SGSM1: variants seen among roughly 807,000 people sequenced by gnomAD.
The protein encoded by SGSM1 is RUN and TBC1 domain containing 2.
Under a neutral mutation model 133.8 loss-of-function variants are expected in SGSM1, and 73 were observed. The ratio of observed to expected loss-of-function variants is 0.55; its 90% CI spans 0.45 to 0.66. The LOEUF is 0.66. Among genes scored for constraint, SGSM1 ranks in the 30% least tolerant of loss-of-function variants. The probability of loss-of-function intolerance (pLI) is 0.00; values close to 1 mark genes in which losing one functional copy is unlikely to be tolerated. For synonymous variants in SGSM1, 563 were observed against 573.0 expected (o/e 0.98, Z 0.25); for missense variants, 1,213 against 1,448.1 (o/e 0.84, Z 2.64).
intron 12 of SGSM1, among the ~76,000 whole-genome samples, chr22:24,870,741 C>T (rs1002480791): frequency 6.6e-6 from 1 of 152,194 alleles, no homozygotes; most frequent in Non-Finnish European, 1.5e-5. Flanking sequence ...CCAGTGCCTC[C>T]CTGGAGCAGC....
chr22:24,834,382 T>TTTTTGTGAATAAAG (rs1929304925), intron 2 of SGSM1, among the ~76,000 whole-genome samples: 2 of 152,206 alleles, frequency 1.3e-5, no homozygotes, highest in Non-Finnish European at 2.9e-5. Flanking sequence ...CTTCCACTGG[T>TTTTTGTGAATAAAG]TTTTGTGAAT....
intron 2 of SGSM1, among the ~76,000 whole-genome samples, chr22:24,841,311 C>G (rs139659): frequency 0.84 from 128,588 of 152,196 alleles, 54,487 homozygotes; most frequent in Admixed American, 0.87. Context: ...TTGTGAATGA[C>G]AAAGATGCTT....
chr22:24,880,460 T>C (rs1183291080), intron 14 of SGSM1, among the ~76,000 whole-genome samples: 1 of 152,158 alleles, frequency 6.6e-6, no homozygotes, highest in East Asian at 1.9e-4. Context: ...TCAGTTTTAT[T>C]TCCCCAGCCT....
chr22:24,840,842 TTTTTGTTTTG>T (rs1010805914), intron 2 of SGSM1, among the ~76,000 whole-genome samples: 1 of 152,032 alleles, frequency 6.6e-6, no homozygotes, highest in African/African-American at 2.4e-5. Flanking sequence ...CCATGTTGTG[TTTTTGTTTTG>T]TTTTGTTTTG....
At chr22:24,889,654 A>ATT (rs201034986) in intron 16 of SGSM1, among the ~76,000 whole-genome samples, 2,072 of 133,788 alleles carry the variant, frequency 0.015, 43 homozygotes, top group African/African-American at 0.05. Flanking sequence ...CCTTAAATTG[A>ATT]TTTTTTTTTT....
chr22:24,889,781 C>T (rs1335335789), intron 16 of SGSM1, among the ~76,000 whole-genome samples: 2 of 149,914 alleles, frequency 1.3e-5, no homozygotes, highest in Non-Finnish European at 3.0e-5. Context: ...TCCCAAATAG[C>T]TGGGACTACA....
intron 16 of SGSM1, among the ~76,000 whole-genome samples, chr22:24,890,334 C>T (rs1932793945): frequency 6.6e-6 from 1 of 152,130 alleles, no homozygotes; most frequent in African/African-American, 2.4e-5. Context: ...AGTCGAGAAG[C>T]ATTTGTAATT....
At chr22:24,840,014 C>A (rs150054023) in intron 2 of SGSM1, among the ~76,000 whole-genome samples, 133 of 148,018 alleles carry the variant, frequency 9.0e-4, no homozygotes, top group African/African-American at 2.9e-3. Flanking sequence ...GCGATCTCAG[C>A]TCACTGCAAG....
chr22:24,853,769 A>ATTTTTTTTTT (rs57736929), intron 5 of SGSM1, among the ~76,000 whole-genome samples: 130 of 123,406 alleles, frequency 1.1e-3, no homozygotes, highest in East Asian at 1.4e-3. Context: ...CGCCTGGTGA[A>ATTTTTTTTTT]TTTTTTTTTT....
rs761726686 is a variant in SGSM1, at chr22:24,867,080, C to T, written c.927-13C>T. On this transcript the variant is annotated splice_polypyrimidine_tract_variant and intron_variant, in intron 9 of 24. Coordinates refer to ENST00000400358, the MANE Select transcript of SGSM1 (RefSeq NM_001098497.3). ...CAGAAGTCCTGCAAGCCTGACCCTC[C>T]GTCCGCTTCCAGCGTCTACTGGGAC... 50 of 1,612,708 alleles carry T rather than the reference C, an allele frequency of 3.1e-5. No homozygotes were observed. Among genetic ancestry groups the T allele is most frequent in the South Asian group, 8.8e-5 (8 of 90,736 alleles).
At chr22:24,899,554 G>A (rs1166463034) in intron 19 of SGSM1, among the ~76,000 whole-genome samples, 1 of 141,260 alleles carries the variant, frequency 7.1e-6, no homozygotes, top group African/African-American at 2.7e-5. Flanking sequence ...ACAGGGTCTC[G>A]CTCTGTCACC....
At chr22:24,913,422 C>T (rs139765) in intron 22 of SGSM1, among the ~76,000 whole-genome samples, 42,999 of 151,952 alleles carry the variant, frequency 0.28, 7,007 homozygotes, top group East Asian at 0.55. Flanking sequence ...AATTCTGGTG[C>T]AAGCTCGATT....
intron 12 of SGSM1, among the ~76,000 whole-genome samples, chr22:24,873,667 A>G (rs1231759057): frequency 1.3e-5 from 2 of 152,156 alleles, no homozygotes; most frequent in Non-Finnish European, 2.9e-5. Context: ...CCTGGGCAAC[A>G]TGGCAAAACC....
chr22:24,842,613 C>A (rs1163673910), intron 2 of SGSM1, among the ~76,000 whole-genome samples: 1 of 152,064 alleles, frequency 6.6e-6, no homozygotes, highest in African/African-American at 2.4e-5. Context: ...GGGATCAGAG[C>A]CTGGCAGGGA....
chr22:24,890,393 C>G (rs1327434853), intron 16 of SGSM1, among the ~76,000 whole-genome samples: 2 of 151,890 alleles, frequency 1.3e-5, no homozygotes, highest in Non-Finnish European at 2.9e-5. Flanking sequence ...GTACCCATCA[C>G]CCAGCTTTCC....
chr22:24,871,633 G>C (rs370499921), intron 12 of SGSM1, among the ~76,000 whole-genome samples: 2 of 152,142 alleles, frequency 1.3e-5, no homozygotes, highest in Non-Finnish European at 2.9e-5. Flanking sequence ...ACTAGTCCAG[G>C]ATCACACAAC....
intron 16 of SGSM1, among the ~76,000 whole-genome samples, chr22:24,891,724 C>T (rs946174266): frequency 2.6e-5 from 4 of 152,048 alleles, no homozygotes; most frequent in Admixed American, 6.6e-5. Context: ...GAGGCAACCC[C>T]GAGGGCTGCA....
intron 2 of SGSM1, among the ~76,000 whole-genome samples, chr22:24,829,684 G>T (rs931923051): frequency 6.6e-6 from 1 of 152,096 alleles, no homozygotes; most frequent in East Asian, 1.9e-4. Context: ...GACAGATTAC[G>T]TGGGGAAAAA....
At chr22:24,896,522 A>AT (rs918625770) in intron 18 of SGSM1, among the ~76,000 whole-genome samples, 127 of 152,184 alleles carry the variant, frequency 8.3e-4, no homozygotes, top group African/African-American at 3.0e-3. Context: ...TATTCTGGAG[A>AT]TTTTTTTCAT....
Sources: allele counts gnomAD v4.1 joint callset (sites outside exome capture counted in the v4.1 genomes callset), GRCh38; gene constraint gnomAD v4.1.1; transcripts MANE v1.5; gene names NCBI Gene and HGNC (gene_info 2026-07-23, HGNC 2026-07-21).